Variants in NWD1 observed in about 807,000 individuals in gnomAD.
NWD1 encodes NACHT domain- and WD repeat-containing protein 1.
A neutral mutation model predicts 135.1 loss-of-function variants in NWD1; 129 were observed. The ratio of observed to expected loss-of-function variants is 0.96; its 90% CI spans 0.83 to 1.11. The LOEUF is 1.11. Ranked by LOEUF, NWD1 falls within the 50% of genes least tolerant of loss-of-function variation. NWD1 has a pLI of 0.00. For synonymous variants in NWD1, 773 were observed against 786.0 expected, an observed-to-expected ratio of 0.98 and a Z score of 0.28; for missense variants, 1,740 against 1,851.3, an observed-to-expected ratio of 0.94 and a Z score of 1.10.
At chr19:16,760,425 AT>A (rs1968966471) in intron 7 of NWD1, among the ~76,000 whole-genome samples, 1 of 151,164 alleles carries the variant, frequency 6.6e-6, no homozygotes, top group Non-Finnish European at 1.5e-5. Context: ...TGCCTGGCTA[AT>A]TTTTAAATTT....
intron 6 of NWD1, among the ~76,000 whole-genome samples, chr19:16,758,515 A>G (rs1968881594): frequency 6.6e-6 from 1 of 152,230 alleles, no homozygotes; most frequent in South Asian, 2.1e-4. Flanking sequence ...GGCCTCGAGC[A>G]GTCCTCCTGC....
At chr19:16,792,012 C>A (rs1970264627) in intron 14 of NWD1, among the ~76,000 whole-genome samples, 2 of 152,120 alleles carry the variant, frequency 1.3e-5, no homozygotes, top group South Asian at 4.1e-4. Flanking sequence ...CCGTGCCCGG[C>A]CACACGCTTG....
At position 16,722,126 on chromosome 19, in the gene NWD1, C is replaced by A. The variant is rs534460001; in HGVS notation, c.-105+1833C>A. ...AGACCCTGTCTCTTGAAAAAAACAA[C>A]AACAACAACAACAACTAAAAAACTA... On this transcript the variant is annotated intron_variant, in intron 1 of 18. Transcript: ENST00000524140. Among the ~76,000 whole-genome samples, 200 of 151,364 alleles carry A rather than the reference C, an allele frequency of 1.3e-3. 1 individual carries two copies. The highest frequency in any genetic ancestry group is 4.6e-3 in the African/African-American group (191 of 41,284).
intron 12 of NWD1, among the ~76,000 whole-genome samples, chr19:16,786,124 C>G (rs1392568216): frequency 2.6e-5 from 4 of 152,096 alleles, no homozygotes; most frequent in Non-Finnish European, 5.9e-5. Context: ...CTTGGCCTTC[C>G]AAAGTGTTGG....
intron 18 of NWD1, among the ~76,000 whole-genome samples, chr19:16,812,089 T>A (rs1366211862): frequency 6.6e-6 from 1 of 152,106 alleles, no homozygotes; most frequent in African/African-American, 2.4e-5. Flanking sequence ...GGCAGGCAGA[T>A]CACTTGAGGT....
At chr19:16,782,084 ACT>A (rs1969873579) in intron 12 of NWD1, among the ~76,000 whole-genome samples, 1 of 143,826 alleles carries the variant, frequency 7.0e-6, no homozygotes, top group Admixed American at 7.2e-5. Flanking sequence ...ACAGAGTGAG[ACT>A]CTGTCTCAAA....
Position 16,794,535 on chromosome 19 carries a change from G to A in NWD1, c.3286G>A (p.Glu1096Lys). 1.2e-6 allele frequency: 2 copies of A among 1,608,524 alleles called. No individual in the cohort carries two copies. The highest frequency in any genetic ancestry group is 2.2e-5 in the East Asian group (1 of 44,814). The stretch of plus-strand genomic sequence containing the variant: ...GAGGTTCCTGGTGGTCTCTGAAGAT[G>A]AGTCCCTCCTCGCCGCAGGTAGCGT... ...AVRFLVVSED[E>K]SLLAAGFGRS... The change falls in exon 15 of 19, where the codon GAG (glutamate) becomes AAG (lysine). Residue 1096 changes from glutamate (E) to lysine (K), a missense_variant. By Grantham distance (56) the Glu-to-Lys change is moderately conservative. Transcript: ENST00000524140.
At position 16,815,132 on chromosome 19, in the gene NWD1, A is replaced by C. The variant is rs569654279; in HGVS notation, c.*93A>C. 3.1e-6 allele frequency: 4 copies of C among 1,308,796 alleles called. No homozygotes were observed. In the Admixed American group the frequency reaches 6.7e-5, roughly 22 times the overall value. 81.1% of individuals were successfully genotyped at this position (1,308,796 alleles called of 1,614,324 possible). On this transcript the variant is annotated 3_prime_UTR_variant, in exon 19 of 19. Transcript: ENST00000524140. Reference sequence around the variant, plus strand: ...CAGGCATGGTTATCTGATCCGAGAGAATTTCCAGTGCCTTTCAGCAAAAGC... The same window carrying C: ...CAGGCATGGTTATCTGATCCGAGAGCATTTCCAGTGCCTTTCAGCAAAAGC...
intron 12 of NWD1, among the ~76,000 whole-genome samples, chr19:16,781,530 C>T (rs76195106): frequency 1.4e-3 from 218 of 151,604 alleles, no homozygotes; most frequent in Non-Finnish European, 2.3e-3. Context: ...GCATGAGAAT[C>T]GCTTGAGCTC....
At chr19:16,783,725 C>T (rs529839686) in intron 12 of NWD1, among the ~76,000 whole-genome samples, 2 of 150,876 alleles carry the variant, frequency 1.3e-5, no homozygotes, top group South Asian at 4.2e-4. Context: ...AAGACCCTGT[C>T]TCTTAAAACA....
At chr19:16,745,543 A>C (rs988455706) in intron 5 of NWD1, among the ~76,000 whole-genome samples, 1 of 151,512 alleles carries the variant, frequency 6.6e-6, no homozygotes, top group South Asian at 2.1e-4. Flanking sequence ...AGCCTGGGCA[A>C]TATAGTGACA....
chr19:16,783,058 A>T (rs1599524888), intron 12 of NWD1, among the ~76,000 whole-genome samples: 4 of 119,138 alleles, frequency 3.4e-5, no homozygotes, highest in East Asian at 2.3e-4. Flanking sequence ...TTTTTTCAGG[A>T]TCTCACTCTG....
rs549867357 is a variant in NWD1, at chr19:16,782,869, T to C, written c.2731+3404T>C. Among the ~76,000 whole-genome samples the C allele has an allele frequency of 2.1e-3, 290 of 138,966 alleles. 1 individual carries two copies. Among genetic ancestry groups the C allele is most frequent in the African/African-American group, 7.4e-3 (233 of 31,378 alleles). 91.2% of individuals were successfully genotyped at this position (138,966 alleles called of 152,430 possible). On this transcript the variant is annotated intron_variant, in intron 12 of 18. Transcript: ENST00000524140. ...TTTCTTTCTTCCTTTTCCTTCTTTCTTTCTTTCTTTCTTTCTCTTTCTTTT... is the reference window on the plus strand; with the variant it reads ...TTTCTTTCTTCCTTTTCCTTCTTTCCTTCTTTCTTTCTTTCTCTTTCTTTT...
At chr19:16,729,228 C>T (rs1967456102) in intron 2 of NWD1, among the ~76,000 whole-genome samples, 1 of 152,038 alleles carries the variant, frequency 6.6e-6, no homozygotes, top group Non-Finnish European at 1.5e-5. Context: ...TAAAAACTGC[C>T]AGAACCTTGC....
intron 2 of NWD1, among the ~76,000 whole-genome samples, chr19:16,730,049 C>T (rs1008995549): frequency 6.6e-6 from 1 of 151,730 alleles, no homozygotes; most frequent in African/African-American, 2.4e-5. Context: ...ATGGGCCGGG[C>T]GCAGTGGCTC....
At chr19:16,726,631 G>T (rs1031172172) in intron 2 of NWD1, among the ~76,000 whole-genome samples, 2 of 151,876 alleles carry the variant, frequency 1.3e-5, no homozygotes, top group Non-Finnish European at 2.9e-5. Flanking sequence ...ATAGAGACAG[G>T]GTTTCACCAT....
chr19:16,775,434 C>CT (rs57652194), intron 11 of NWD1, among the ~76,000 whole-genome samples: 27,442 of 151,918 alleles, frequency 0.18, 5,825 homozygotes, highest in African/African-American at 0.52. Flanking sequence ...TTCAGTCTGG[C>CT]GCTCTGCCAT....
intron 10 of NWD1, among the ~76,000 whole-genome samples, chr19:16,765,976 C>G (rs1969207128): frequency 1.4e-5 from 2 of 145,710 alleles, no homozygotes; most frequent in African/African-American, 5.1e-5. Flanking sequence ...GAGATCGCAC[C>G]ACTGCACTCC....
intron 7 of NWD1, 74 bp downstream of exon 7, chr19:16,759,502 C>A: frequency 9.2e-7 from 1 of 1,092,700 alleles, no homozygotes; most frequent in Non-Finnish European, 1.3e-6. Flanking sequence ...GGCCGGGGGT[C>A]TTCTCAGTAT....
Sources: allele counts gnomAD v4.1 joint callset (sites outside exome capture counted in the v4.1 genomes callset), GRCh38; gene constraint gnomAD v4.1.1; transcripts MANE v1.5; gene names NCBI Gene and HGNC (gene_info 2026-07-23, HGNC 2026-07-21).